Variants in JMJD1C observed in about 807,000 individuals in gnomAD.
The protein encoded by JMJD1C is jumonji domain containing 1C.
Under a neutral mutation model 245.3 loss-of-function variants are expected in JMJD1C, and 31 were observed. The observed-to-expected ratio is 0.13, with a 90% CI of 0.09 to 0.17. The LOEUF is 0.17. JMJD1C is among the 10% of genes least tolerant of loss of function. The probability of loss-of-function intolerance (pLI) is 1.00; values close to 1 mark genes in which losing one functional copy is unlikely to be tolerated. For missense variants in JMJD1C, 2,691 were observed against 3,000.2 expected (o/e 0.90, Z 2.41); for synonymous variants, 1,057 against 1,017.4 (o/e 1.04, Z -0.74).
chr10:63,376,194 G>T (rs540092973), intron 2 of JMJD1C, among the ~76,000 whole-genome samples: 1 of 152,232 alleles, frequency 6.6e-6, no homozygotes, highest in African/African-American at 2.4e-5. Context: ...GGCAAAGGCA[G>T]TCTTTCCAAC....
chr10:63,242,983 G>C (rs1190211041), intron 3 of JMJD1C, among the ~76,000 whole-genome samples: 1 of 151,272 alleles, frequency 6.6e-6, no homozygotes, highest in East Asian at 1.9e-4. Context: ...ATTTCAGATA[G>C]TAAGCAACAA....
At chr10:63,242,555 G>A (rs918362417) in intron 3 of JMJD1C, among the ~76,000 whole-genome samples, 2 of 152,064 alleles carry the variant, frequency 1.3e-5, no homozygotes, top group Admixed American at 6.6e-5. Flanking sequence ...AACAAACCCT[G>A]TCTCTTCTAA....
chr10:63,278,179 G>A (rs541006347), intron 2 of JMJD1C, among the ~76,000 whole-genome samples: 7 of 152,026 alleles, frequency 4.6e-5, no homozygotes, highest in African/African-American at 1.7e-4. Flanking sequence ...CATATCTGCA[G>A]TGGGTTAAAG....
rs189939689 is a variant in JMJD1C, at chr10:63,296,836, C to T, written c.334-32072G>A. Among the ~76,000 whole-genome samples, 18 of 152,210 alleles carry T rather than the reference C, an allele frequency of 1.2e-4. No individual in the cohort carries two copies. The East Asian group carries it at 3.5e-3, about 29-fold the overall frequency. Reference sequence around the variant, plus strand: ...CTCTCCTGGTTGACAGTATGAAGTTCTTAAAAGAAAAGGGGGTGGAGGATA... The same window carrying T: ...CTCTCCTGGTTGACAGTATGAAGTTTTTAAAAGAAAAGGGGGTGGAGGATA... On this transcript the variant is annotated intron_variant, in intron 2 of 25. Coordinates refer to ENST00000399262, the MANE Select transcript of JMJD1C (RefSeq NM_032776.3).
At chr10:63,224,209 T>C (rs1163719906) in intron 3 of JMJD1C, among the ~76,000 whole-genome samples, 2 of 152,244 alleles carry the variant, frequency 1.3e-5, no homozygotes, top group African/African-American at 2.4e-5. Flanking sequence ...TGACTTTATG[T>C]AGGTTCAAAC....
intron 2 of JMJD1C, among the ~76,000 whole-genome samples, chr10:63,322,581 G>A (rs879896884): frequency 6.6e-5 from 10 of 152,028 alleles, no homozygotes; most frequent in South Asian, 2.1e-4. Context: ...TTGGGAGGCC[G>A]AAGAGGGAGA....
intron 23 of JMJD1C, 62 bp downstream of exon 23, chr10:63,177,655 C>CGG: frequency 5.8e-6 from 9 of 1,541,346 alleles, no homozygotes; most frequent in Non-Finnish European, 8.0e-6. Flanking sequence ...AGTGAAGGTA[C>CGG]GGCAACAATG....
At chr10:63,492,095 G>A (rs887276011) in intron 1 of JMJD1C, among the ~76,000 whole-genome samples, 2 of 152,136 alleles carry the variant, frequency 1.3e-5, no homozygotes, top group East Asian at 1.9e-4. Context: ...GGAGTAAAGC[G>A]TGATCTCGGC....
chr10:63,368,353 C>T (rs1439701923), intron 2 of JMJD1C, among the ~76,000 whole-genome samples: 1 of 152,134 alleles, frequency 6.6e-6, no homozygotes, highest in Non-Finnish European at 1.5e-5. Context: ...CAAAGAAATA[C>T]ATCATATTCA....
At chr10:63,470,076 C>A (rs980736609), upstream of JMJD1C, among the ~76,000 whole-genome samples, 1 of 152,222 alleles carries the variant, frequency 6.6e-6, no homozygotes, top group African/African-American at 2.4e-5. Flanking sequence ...TCCCCAATAA[C>A]AGATTTTCAA....
chr10:63,188,160 C>T (rs953652289), intron 18 of JMJD1C, among the ~76,000 whole-genome samples: 1 of 152,154 alleles, frequency 6.6e-6, no homozygotes, highest in South Asian at 2.1e-4. Context: ...GCACCTTGAA[C>T]AAAGTTCTTA....
intron 24 of JMJD1C, among the ~76,000 whole-genome samples, 181 bp from the exon 25 acceptor site, chr10:63,168,747 G>A (rs1334982390): frequency 6.6e-6 from 1 of 152,162 alleles, no homozygotes; most frequent in African/African-American, 2.4e-5. Context: ...TCACTGAAAA[G>A]CTTCATGTAA....
chr10:63,441,251 G>C (rs755144430), intron 1 of JMJD1C, among the ~76,000 whole-genome samples: 1 of 152,090 alleles, frequency 6.6e-6, no homozygotes, highest in Non-Finnish European at 1.5e-5. Flanking sequence ...ACTCCTAAAG[G>C]TGTCCTTGGA....
chr10:63,367,741 G>A lies in JMJD1C; in HGVS notation c.333+12577C>T, dbSNP rs554700597. On this transcript the variant is annotated intron_variant, in intron 2 of 25. Coordinates refer to ENST00000399262, the MANE Select transcript of JMJD1C (RefSeq NM_032776.3). ...TAGTTAAGCATAGAGATGTTTCCAC[G>A]AGAGACCCATGCACAGAACTTACAA... 6.6e-5 allele frequency among the ~76,000 whole-genome samples: 10 copies of A among 152,264 alleles called. No individual in the cohort carries two copies. The East Asian group carries it at 1.9e-3, about 29-fold the overall frequency.
chr10:63,257,184 C>T (rs10995480), intron 3 of JMJD1C, among the ~76,000 whole-genome samples: 1 of 140,762 alleles, frequency 7.1e-6, no homozygotes, highest in Non-Finnish European at 1.5e-5. Context: ...TTGCAGTGAG[C>T]TGAGATCACT....
At chr10:63,508,496 A>C (rs1954786397) in intron 1 of JMJD1C, among the ~76,000 whole-genome samples, 1 of 152,144 alleles carries the variant, frequency 6.6e-6, no homozygotes, top group Non-Finnish European at 1.5e-5. Flanking sequence ...CTTTAGGATC[A>C]GTTTCTTGAT....
At chr10:63,193,502 G>T in intron 14 of JMJD1C, 30 bp from the exon 15 acceptor site, 1 of 1,513,556 alleles carries the variant, frequency 6.6e-7, no homozygotes, top group Non-Finnish European at 8.9e-7. Flanking sequence ...TTAATAAAAA[G>T]ATTACCACTA....
chr10:63,327,960 A>G (rs940927056), intron 2 of JMJD1C, among the ~76,000 whole-genome samples: 3 of 151,940 alleles, frequency 2.0e-5, no homozygotes, highest in Non-Finnish European at 4.4e-5. Context: ...GTGAGCCACC[A>G]TGCCCGGCTG....
At chr10:63,447,064 T>G (rs1031641611) in intron 1 of JMJD1C, among the ~76,000 whole-genome samples, 5 of 83,622 alleles carry the variant, frequency 6.0e-5, no homozygotes, top group African/African-American at 2.0e-4. Context: ...CTGTAAGCAT[T>G]TTATAACCAG....
Sources: allele counts gnomAD v4.1 joint callset (sites outside exome capture counted in the v4.1 genomes callset), GRCh38; gene constraint gnomAD v4.1.1; transcripts MANE v1.5; gene names NCBI Gene and HGNC (gene_info 2026-07-23, HGNC 2026-07-21).